The following NHERF1 variants were observed in gnomAD, a reference collection of about 807,000 sequenced individuals.
NHERF1 encodes the protein Na(+)/H(+) exchange regulatory cofactor NHE-RF1.
At chr17:74,762,115 T>C in the NHERF1 span, 1 of 1,614,188 alleles carries the variant, frequency 6.2e-7, no homozygotes, top group East Asian at 2.2e-5. This position sits in a 1 kb window ranked among gnomAD's most constrained non-coding sequence, Gnocchi z 4.2. Context: ...ATCCGGTCAG[T>C]GGACCCAGAC....
the NHERF1 span, among the ~76,000 whole-genome samples, chr17:74,760,602 C>T: frequency 6.6e-6 from 1 of 152,160 alleles, no homozygotes; most frequent in Non-Finnish European, 1.5e-5. This position sits in a 1 kb window ranked among gnomAD's most constrained non-coding sequence, Gnocchi z 4.5. Flanking sequence ...CCACCCCTCT[C>T]GGCCCTCTCC....
the NHERF1 span, chr17:74,749,153 G>T: frequency 8.4e-6 from 13 of 1,550,962 alleles, no homozygotes; most frequent in East Asian, 2.3e-5. This position sits in a 1 kb window ranked among gnomAD's most constrained non-coding sequence, Gnocchi z 5.6. Context: ...GCAGAAGCTC[G>T]GCGTCCAGGT....
the NHERF1 span, among the ~76,000 whole-genome samples, chr17:74,767,437 G>A: frequency 2.0e-5 from 3 of 152,072 alleles, no homozygotes; most frequent in African/African-American, 7.2e-5. Context: ...AGCCATGGAG[G>A]AACCCAGGAA....
chr17:74,763,588 C>T, the NHERF1 span: 10 of 1,494,018 alleles, frequency 6.7e-6, no homozygotes, highest in Middle Eastern at 1.7e-4. Context: ...TGAGCCAGGG[C>T]TAAGACTGCT....
the NHERF1 span, among the ~76,000 whole-genome samples, chr17:74,759,601 G>A: frequency 2.6e-5 from 4 of 152,248 alleles, no homozygotes; most frequent in Admixed American, 6.5e-5. Flanking sequence ...CTCCAGCTGC[G>A]AGAGGCCCTG....
At chr17:74,762,164 C>A in the NHERF1 span, 1 of 1,614,078 alleles carries the variant, frequency 6.2e-7, no homozygotes, top group East Asian at 2.2e-5. The surrounding 1 kb of genome is among the most constrained non-coding windows in gnomAD (Gnocchi z 4.2). Flanking sequence ...CCCAGGATCG[C>A]ATTGTGGAGG....
the NHERF1 span, chr17:74,748,788 C>T: frequency 7.0e-7 from 1 of 1,419,662 alleles, no homozygotes; most frequent in Non-Finnish European, 9.6e-7. This position sits in a 1 kb window ranked among gnomAD's most constrained non-coding sequence, Gnocchi z 4.3. Context: ...AGGGCTGGGC[C>T]GTCCCGTCCC....
chr17:74,749,125 C>T, the NHERF1 span: 4 of 1,568,824 alleles, frequency 2.5e-6, no homozygotes, highest in Non-Finnish European at 2.6e-6. The surrounding 1 kb of genome is among the most constrained non-coding windows in gnomAD (Gnocchi z 5.6). Context: ...TGGTCGACCC[C>T]GAGACGGACG....
chr17:74,760,003 C>T, the NHERF1 span, among the ~76,000 whole-genome samples: 1 of 152,200 alleles, frequency 6.6e-6, no homozygotes, highest in Admixed American at 6.5e-5. This position sits in a 1 kb window ranked among gnomAD's most constrained non-coding sequence, Gnocchi z 4.5. Context: ...GAGCTGCCCC[C>T]TGCCTGTCCT....
chr17:74,765,299 C>T, the NHERF1 span, among the ~76,000 whole-genome samples: 5 of 152,106 alleles, frequency 3.3e-5, no homozygotes, highest in East Asian at 9.6e-4. Context: ...CCTGCTCTGT[C>T]ACCCAGGCTG....
chr17:74,763,042 G>A, the NHERF1 span: 5 of 266,552 alleles, frequency 1.9e-5, no homozygotes, highest in Admixed American at 4.9e-5. Context: ...AAGGAAGTCG[G>A]ACAGCAAGTC....
At chr17:74,760,179 C>A in the NHERF1 span, among the ~76,000 whole-genome samples, 1 of 152,026 alleles carries the variant, frequency 6.6e-6, no homozygotes, top group Admixed American at 6.5e-5. This position sits in a 1 kb window ranked among gnomAD's most constrained non-coding sequence, Gnocchi z 4.5. Flanking sequence ...AGAAGAGCCT[C>A]ACTTACTCCC....
chr17:74,768,933 C>T, the NHERF1 span: 6 of 482,524 alleles, frequency 1.2e-5, no homozygotes, highest in Middle Eastern at 4.3e-4. Flanking sequence ...CCTGGGACAT[C>T]GCTGGAACCT....
chr17:74,749,420 TCCGCCCGCCGA>T, the NHERF1 span: 2 of 871,194 alleles, frequency 2.3e-6, no homozygotes, highest in Non-Finnish European at 3.4e-6. The surrounding 1 kb of genome is among the most constrained non-coding windows in gnomAD (Gnocchi z 5.6). Flanking sequence ...GGAGACCGCT[TCCGCCCGCCGA>T]CCAGGCGCCC....
chr17:74,754,669 G>A, the NHERF1 span, among the ~76,000 whole-genome samples: 1 of 151,890 alleles, frequency 6.6e-6, no homozygotes, highest in Non-Finnish European at 1.5e-5. Flanking sequence ...AGTAGAGATG[G>A]GGTTTCACCA....
the NHERF1 span, among the ~76,000 whole-genome samples, chr17:74,758,420 G>A: frequency 2.7e-4 from 41 of 152,300 alleles, no homozygotes; most frequent in Admixed American, 2.7e-3. This position sits in a 1 kb window ranked among gnomAD's most constrained non-coding sequence, Gnocchi z 4.3. Context: ...GAAAGTGAGA[G>A]TCTCCAGCCT....
At chr17:74,752,555 G>C in the NHERF1 span, among the ~76,000 whole-genome samples, 1 of 151,640 alleles carries the variant, frequency 6.6e-6, no homozygotes, top group African/African-American at 2.4e-5. Context: ...GAGTGGTGTC[G>C]CAACCTCGCC....
At chr17:74,763,122 T>G in the NHERF1 span, 2 of 454,908 alleles carry the variant, frequency 4.4e-6, 1 homozygote, top group South Asian at 7.3e-5. Flanking sequence ...CTGTGTTTGT[T>G]TAGTCTCGTC....
chr17:74,763,931 AC>A, the NHERF1 span, among the ~76,000 whole-genome samples: 4 of 152,152 alleles, frequency 2.6e-5, no homozygotes, highest in African/African-American at 9.7e-5. Flanking sequence ...GAGTCCAGTG[AC>A]GGGGGCCGGT....
Sources: gnomAD v4.1 joint callset for allele counts (sites outside exome capture counted in the v4.1 genomes callset) on GRCh38, gnomAD v4.1.1 for gene constraint, Gnocchi (gnomAD v3.1) non-coding constraint, MANE v1.5 for transcripts, NCBI Gene and HGNC (gene_info 2026-07-23, HGNC 2026-07-21) for gene names.